GNAL: variants seen among roughly 807,000 people sequenced by gnomAD.
GNAL encodes guanine nucleotide-binding protein G(olf) subunit alpha.
GNAL carries 18 observed loss-of-function variants against 55.1 expected under a neutral mutation model. That is an observed-to-expected ratio of 0.33 (90% CI 0.23 to 0.48). GNAL has a LOEUF of 0.48. Ranked by LOEUF, GNAL falls within the 20% of genes least tolerant of loss-of-function variation. The pLI is 0.99. For synonymous variants in GNAL, 253 were observed against 237.0 expected, an observed-to-expected ratio of 1.07 and a Z score of -0.62; for missense variants, 412 against 614.1, an observed-to-expected ratio of 0.67 and a Z score of 3.48.
At chr18:11,772,731 C>T (rs867190169) in intron 4 of GNAL, among the ~76,000 whole-genome samples, 8 of 152,300 alleles carry the variant, frequency 5.3e-5, no homozygotes, top group South Asian at 2.1e-4. Context: ...CTCTTCTTGT[C>T]GCTTCCATTC....
At chr18:11,835,579 A>G (rs1397106986) in intron 5 of GNAL, among the ~76,000 whole-genome samples, 1 of 152,232 alleles carries the variant, frequency 6.6e-6, no homozygotes, top group African/African-American at 2.4e-5. Flanking sequence ...TGAAATTTTT[A>G]TAATAAAATG....
chr18:11,727,170 AGCCCTGCAAG>A, intron 1 of GNAL, among the ~76,000 whole-genome samples: 1 of 152,080 alleles, frequency 6.6e-6, no homozygotes, highest in African/African-American at 2.4e-5. Flanking sequence ...CACCCTGCCC[AGCCCTGCAAG>A]GCCCTTCCCT....
chr18:11,755,618 T>C (rs763902931), intron 4 of GNAL, among the ~76,000 whole-genome samples: 1 of 152,180 alleles, frequency 6.6e-6, no homozygotes, highest in East Asian at 1.9e-4. Flanking sequence ...TCCTTTAATA[T>C]GATTTTTGCT....
chr18:11,753,425 A>T, intron 2 of GNAL: 1 of 523,550 alleles, frequency 1.9e-6, no homozygotes, highest in Non-Finnish European at 3.4e-6. Flanking sequence ...GTGTGCATTC[A>T]AGTTTGTTTA....
At chr18:11,846,939 T>C (rs1156514527) in intron 5 of GNAL, among the ~76,000 whole-genome samples, 1 of 152,044 alleles carries the variant, frequency 6.6e-6, no homozygotes, top group East Asian at 1.9e-4. Context: ...ATTCTAGCTG[T>C]GTTCCCAAAT....
At chr18:11,729,543 C>T (rs993295215) in intron 1 of GNAL, among the ~76,000 whole-genome samples, 3 of 152,152 alleles carry the variant, frequency 2.0e-5, no homozygotes, top group South Asian at 2.1e-4. Flanking sequence ...AGTTTCCACT[C>T]GTTTTATTAT....
In GNAL at chr18:11,824,899, TA is replaced by T; in HGVS notation, c.625-17del. ...ATTACACTTTTTTTTTTTTAATTTG[TA>T]ACTCTTTCAAACTTTAGGAATTCTT... On this transcript the variant is annotated intron_variant, in intron 4 of 11. Coordinates refer to ENST00000334049, the MANE Select transcript of GNAL (RefSeq NM_182978.4). 7.4e-7 allele frequency: 1 copy of T among 1,351,406 alleles called. No individual in the cohort carries two copies. The highest frequency in any genetic ancestry group is 1.0e-6 in the Non-Finnish European group (1 of 955,002). 83.7% of individuals were successfully genotyped at this position (1,351,406 alleles called of 1,614,324 possible). A position where few individuals can be genotyped will look rare whatever the true frequency, so the allele number is the denominator to read the frequency against.
At chr18:11,705,203 G>A (rs1404290585) in intron 1 of GNAL, among the ~76,000 whole-genome samples, 1 of 152,134 alleles carries the variant, frequency 6.6e-6, no homozygotes, top group Non-Finnish European at 1.5e-5. Flanking sequence ...ATGGAATCAT[G>A]CAGTATTTCT....
chr18:11,689,719 G>C lies in GNAL; in HGVS notation c.156G>C (p.Leu52=), dbSNP rs1044443716. The change falls in exon 1 of 12, where the codon CTG becomes CTC. Residue 52 remains leucine, a synonymous_variant. Transcript: ENST00000334049. The stretch of plus-strand genomic sequence containing the variant: ...CCGCAAGGGACACGGCCCGGACCCT[G>C]CTCCCTCGGGGCGGCGAAGGGAGCC... The part of the protein sequence containing the change: ...RAAARDTART[L]LPRGGEGSPA... 3 of 1,497,042 alleles carry C rather than the reference G, an allele frequency of 2.0e-6. No homozygotes were observed. Among genetic ancestry groups the C allele is most frequent in the Non-Finnish European group, 2.7e-6 (3 of 1,128,078 alleles). 92.7% of individuals were successfully genotyped at this position (1,497,042 alleles called of 1,614,324 possible).
At chr18:11,733,358 A>G (rs1218461484) in intron 1 of GNAL, among the ~76,000 whole-genome samples, 1 of 152,214 alleles carries the variant, frequency 6.6e-6, no homozygotes, top group Non-Finnish European at 1.5e-5. Context: ...TGCTGTACCC[A>G]GGTGGCGGAG....
chr18:11,840,751 T>A (rs1356914365), intron 5 of GNAL, among the ~76,000 whole-genome samples: 2 of 152,178 alleles, frequency 1.3e-5, no homozygotes, highest in African/African-American at 2.4e-5. Context: ...TACACAGTCA[T>A]AGCTGCAGAG....
chr18:11,808,025 CTT>C (rs111276081), intron 4 of GNAL, among the ~76,000 whole-genome samples: 64 of 144,252 alleles, frequency 4.4e-4, no homozygotes, highest in Middle Eastern at 3.5e-3. Context: ...GCCCAGCCTT[CTT>C]TTTTTTTTTT....
chr18:11,847,441 T>TTTTCCAGTGA (rs1035041508), intron 5 of GNAL, among the ~76,000 whole-genome samples: 28 of 152,184 alleles, frequency 1.8e-4, no homozygotes, highest in Admixed American at 5.2e-4. Flanking sequence ...CAAATGATTC[T>TTTTCCAGTGA]TTTCCAGTGA....
In GNAL at chr18:11,751,593, G is replaced by A; in HGVS notation, c.377-1260G>A. ...GCCCGCCAGGAGCAGGGACGCGTCC[G>A]AGCCAACACGGGGCGCGCGCCCAGA... On this transcript the variant is annotated intron_variant, in intron 1 of 11. Transcript: ENST00000334049. The surrounding 1 kb of genome is among the most constrained non-coding windows in gnomAD (Gnocchi z 4.5). The A allele has an allele frequency of 1.0e-6, 1 of 985,470 alleles. No individual in the cohort carries two copies. Among genetic ancestry groups the A allele is most frequent in the Non-Finnish European group, 1.2e-6 (1 of 829,956 alleles). 61.0% of individuals were successfully genotyped at this position (985,470 alleles called of 1,614,324 possible). A position where few individuals can be genotyped will look rare whatever the true frequency, so the allele number is the denominator to read the frequency against.
intron 1 of GNAL, among the ~76,000 whole-genome samples, chr18:11,735,148 T>C (rs2032432677): frequency 6.6e-6 from 1 of 151,662 alleles, no homozygotes; most frequent in Non-Finnish European, 1.5e-5. Flanking sequence ...CCTCCCAGGT[T>C]CAAGTGATTC....
intron 4 of GNAL, among the ~76,000 whole-genome samples, chr18:11,789,852 G>T (rs1170833703): frequency 1.3e-5 from 2 of 152,236 alleles, no homozygotes; most frequent in African/African-American, 2.4e-5. Flanking sequence ...TAGTGTCAGT[G>T]TAATAAGATG....
chr18:11,751,468 G>C lies in GNAL; in HGVS notation c.377-1385G>C. ...GGGAGGCGGCGACGTGGGCGAGCTGGAATAGTCTAGAAGCTGAGCAGAACA... is the reference window on the plus strand; with the variant it reads ...GGGAGGCGGCGACGTGGGCGAGCTGCAATAGTCTAGAAGCTGAGCAGAACA... On this transcript the variant is annotated intron_variant, in intron 1 of 11. Coordinates refer to ENST00000334049, the MANE Select transcript of GNAL (RefSeq NM_182978.4). This position sits in a 1 kb window ranked among gnomAD's most constrained non-coding sequence, Gnocchi z 4.5. 1 of 982,746 alleles carries C rather than the reference G, an allele frequency of 1.0e-6. No individual in the cohort carries two copies. The highest frequency in any genetic ancestry group is 1.2e-6 in the Non-Finnish European group (1 of 827,408). 60.9% of individuals were successfully genotyped at this position (982,746 alleles called of 1,614,324 possible). A position where few individuals can be genotyped will look rare whatever the true frequency, so the allele number is the denominator to read the frequency against.
At chr18:11,772,023 T>C (rs972390394) in intron 4 of GNAL, among the ~76,000 whole-genome samples, 2 of 152,186 alleles carry the variant, frequency 1.3e-5, no homozygotes, top group African/African-American at 4.8e-5. Flanking sequence ...TGTGCAAATT[T>C]GGACACCGCA....
intron 4 of GNAL, among the ~76,000 whole-genome samples, chr18:11,815,795 T>C (rs9646452): frequency 0.065 from 9,928 of 152,296 alleles, 481 homozygotes; most frequent in African/African-American, 0.13. Context: ...TTAATCCAGA[T>C]TATTTGTTGT....
Sources: allele counts gnomAD v4.1 joint callset (sites outside exome capture counted in the v4.1 genomes callset), GRCh38; gene constraint gnomAD v4.1.1; non-coding constraint Gnocchi (gnomAD v3.1); transcripts MANE v1.5; gene names NCBI Gene and HGNC (gene_info 2026-07-23, HGNC 2026-07-21).